The following DPYSL2 variants were observed in gnomAD, a reference collection of about 807,000 sequenced individuals.
DPYSL2 encodes dihydropyrimidinase like 2, also known as dihydropyrimidinase-related protein 2.
Under a neutral mutation model 69.9 loss-of-function variants are expected in DPYSL2, and 13 were observed. The observed-to-expected ratio is 0.19, with a 90% CI of 0.12 to 0.30. DPYSL2 has a LOEUF of 0.30. Ranked by LOEUF, DPYSL2 falls within the 10% of genes least tolerant of loss-of-function variation. DPYSL2 has a pLI of 1.00. For missense variants in DPYSL2, 587 were observed against 918.9 expected (o/e 0.64, Z 4.67); for synonymous variants, 326 against 359.1 (o/e 0.91, Z 1.04).
Position 26,582,616 on chromosome 8 carries a change from T to C in DPYSL2, c.443+559T>C, listed in dbSNP as rs184209254. 1.6e-4 allele frequency among the ~76,000 whole-genome samples: 24 copies of C among 152,358 alleles called. No homozygotes were observed. Among genetic ancestry groups the C allele is most frequent in the Middle Eastern group, 3.4e-3 (1 of 294 alleles). On this transcript the variant is annotated intron_variant, in intron 2 of 13. Coordinates refer to ENST00000521913, the MANE Select transcript of DPYSL2 (RefSeq NM_001197293.3). The surrounding 1 kb of genome is among the most constrained non-coding windows in gnomAD (Gnocchi z 4.1). ...AAGACTGCCCTTGTGTTTATTGTGT[T>C]AATGTTACAAAGGAGAAGCAACAGG...
chr8:26,616,792 A>AGGGCTCCCCAT lies in DPYSL2; in HGVS notation c.629-7351_629-7350insGGGCTCCCCAT, dbSNP rs371510519. On this transcript the variant is annotated intron_variant, in intron 3 of 13. Coordinates refer to ENST00000521913, the MANE Select transcript of DPYSL2 (RefSeq NM_001197293.3). ...TGAGGTGGGATTGGAGGGCTTGGTG[A>AGGGCTCCCCAT]CCTCTCTCCTCCCTCATGCTCCATG... Among the ~76,000 whole-genome samples the AGGGCTCCCCAT allele has an allele frequency of 1.4e-3, 207 of 150,222 alleles. 1 individual carries two copies. Among genetic ancestry groups the AGGGCTCCCCAT allele is most frequent in the African/African-American group, 4.9e-3 (200 of 40,732 alleles).
At chr8:26,568,862 G>A (rs73678812) in intron 1 of DPYSL2, among the ~76,000 whole-genome samples, 4,303 of 152,210 alleles carry the variant, frequency 0.028, 209 homozygotes, top group African/African-American at 0.097. Flanking sequence ...CCTGAAGTGC[G>A]GGATTGAAAA....
chr8:26,544,918 C>T (rs1192442190), intron 1 of DPYSL2, among the ~76,000 whole-genome samples: 1 of 152,144 alleles, frequency 6.6e-6, no homozygotes, highest in Non-Finnish European at 1.5e-5. Context: ...CAAGGAAGAT[C>T]ATTTTATAGT....
chr8:26,586,244 T>C lies in DPYSL2; in HGVS notation c.628+2261T>C, dbSNP rs1367231987. Among the ~76,000 whole-genome samples, 1 of 152,230 alleles carries C rather than the reference T, an allele frequency of 6.6e-6. No homozygotes were observed. Among genetic ancestry groups the C allele is most frequent in the Admixed American group, 6.5e-5 (1 of 15,288 alleles). On this transcript the variant is annotated intron_variant, in intron 3 of 13. Transcript: ENST00000521913. This position sits in a 1 kb window ranked among gnomAD's most constrained non-coding sequence, Gnocchi z 4.7. ...GACTTGCCGTGTGACCTTGAGTCACTACCCTACTCTGTGTTCTAGCTGTGT... is the reference window on the plus strand; with the variant it reads ...GACTTGCCGTGTGACCTTGAGTCACCACCCTACTCTGTGTTCTAGCTGTGT...
Position 26,514,814 on chromosome 8 carries a change from C to T in DPYSL2, c.354+135C>T, listed in dbSNP as rs373247078. On this transcript the variant is annotated intron_variant, in intron 1 of 13. Transcript: ENST00000521913. The surrounding 1 kb of genome is among the most constrained non-coding windows in gnomAD (Gnocchi z 8.4). ...CCCGCATCTGCACGCGCACCCCGCC[C>T]TACCCGCCCCTTCTCCGCGCAGGGT... The T allele has an allele frequency of 9.9e-6, 8 of 804,204 alleles. No homozygotes were observed. The highest frequency in any genetic ancestry group is 1.4e-5 in the Non-Finnish European group (8 of 563,038). The allele number at this position is 804,204 out of a possible 1,614,324, so 49.8% of individuals were successfully genotyped here. A position where few individuals can be genotyped will look rare whatever the true frequency, so the allele number is the denominator to read the frequency against.
intron 3 of DPYSL2, among the ~76,000 whole-genome samples, chr8:26,596,526 G>A (rs1801865078): frequency 6.6e-6 from 1 of 152,212 alleles, no homozygotes; most frequent in Non-Finnish European, 1.5e-5. Context: ...TAGGAGTTGT[G>A]TGATTCTGTC....
intron 1 of DPYSL2, among the ~76,000 whole-genome samples, chr8:26,547,129 G>A (rs1305483807): frequency 6.6e-6 from 1 of 151,884 alleles, no homozygotes; most frequent in East Asian, 1.9e-4. Context: ...TTGGGAGGTC[G>A]AAGTGGGTGG....
chr8:26,633,126 A>G (rs1449374839), intron 7 of DPYSL2, among the ~76,000 whole-genome samples: 1 of 152,264 alleles, frequency 6.6e-6, no homozygotes, highest in Non-Finnish European at 1.5e-5. Flanking sequence ...CTGAAATACC[A>G]TGAACATAAA....
At chr8:26,579,788 G>T (rs1170676222) in intron 1 of DPYSL2, among the ~76,000 whole-genome samples, 1 of 152,152 alleles carries the variant, frequency 6.6e-6, no homozygotes, top group Non-Finnish European at 1.5e-5. Flanking sequence ...GGAAGGAGTG[G>T]TGACTCTGGG....
Position 26,648,619 on chromosome 8 carries a change from T to A in DPYSL2, c.1596+819T>A, listed in dbSNP as rs1255001434. Among the ~76,000 whole-genome samples the A allele has an allele frequency of 2.0e-5, 3 of 152,164 alleles. No homozygotes were observed. The highest frequency in any genetic ancestry group is 6.5e-5 in the Admixed American group (1 of 15,282). The stretch of plus-strand genomic sequence containing the variant: ...CAGAGGGAGAGCTTTGGAAAAGAAA[T>A]GGGCCTCGGGCAGAAGAGTTTCGTG... On this transcript the variant is annotated intron_variant, in intron 11 of 13. Transcript: ENST00000521913. The surrounding 1 kb of genome is among the most constrained non-coding windows in gnomAD (Gnocchi z 4.3).
chr8:26,528,306 C>T (rs1255285178), intron 1 of DPYSL2, among the ~76,000 whole-genome samples: 4 of 152,112 alleles, frequency 2.6e-5, no homozygotes, highest in Non-Finnish European at 5.9e-5. Context: ...TCAAAATGCA[C>T]CTGGGATCAG....
chr8:26,615,210 C>A (rs191119152), intron 3 of DPYSL2, among the ~76,000 whole-genome samples: 1 of 152,124 alleles, frequency 6.6e-6, no homozygotes, highest in Non-Finnish European at 1.5e-5. Context: ...GGGGCCGTTG[C>A]GAGGATTAAA....
chr8:26,587,038 C>T lies in DPYSL2; in HGVS notation c.628+3055C>T, dbSNP rs327235. Among the ~76,000 whole-genome samples, 39,649 of 152,044 alleles carry T rather than the reference C, an allele frequency of 0.26. 5,268 individuals are homozygous for T. The highest frequency in any genetic ancestry group is 0.38 in the South Asian group (1,845 of 4,816). The stretch of plus-strand genomic sequence containing the variant: ...GAATTTCTACTAGCCTGCCTTTCCC[C>T]GGGGGAGGGAATGGTAATAATACAG... On this transcript the variant is annotated intron_variant, in intron 3 of 13. Transcript: ENST00000521913. This position sits in a 1 kb window ranked among gnomAD's most constrained non-coding sequence, Gnocchi z 4.2.
intron 8 of DPYSL2, among the ~76,000 whole-genome samples, chr8:26,635,915 C>A (rs1160750768): frequency 6.6e-6 from 1 of 152,186 alleles, no homozygotes; most frequent in Admixed American, 6.5e-5. Flanking sequence ...CTGCATCATG[C>A]AATCCACATG....
chr8:26,617,760 A>T lies in DPYSL2; in HGVS notation c.629-6383A>T, dbSNP rs971125099. On this transcript the variant is annotated intron_variant, in intron 3 of 13. Coordinates refer to ENST00000521913, the MANE Select transcript of DPYSL2 (RefSeq NM_001197293.3). The surrounding 1 kb of genome is among the most constrained non-coding windows in gnomAD (Gnocchi z 4.7). ...ACAGACGCACAAGACTACATCTTTT[A>T]TGATTCCATTGATAGGAAATGTCCT... Among the ~76,000 whole-genome samples the T allele has an allele frequency of 2.0e-5, 3 of 152,216 alleles. No individual in the cohort carries two copies. Among genetic ancestry groups the T allele is most frequent in the African/African-American group, 7.2e-5 (3 of 41,450 alleles).
chr8:26,601,269 C>T (rs1801984185), intron 3 of DPYSL2, among the ~76,000 whole-genome samples: 1 of 152,168 alleles, frequency 6.6e-6, no homozygotes, highest in Non-Finnish European at 1.5e-5. Flanking sequence ...GGGACTTACC[C>T]AACTAGTATG....
intron 1 of DPYSL2, chr8:26,577,066 A>G: frequency 2.3e-6 from 1 of 425,824 alleles, no homozygotes; most frequent in Non-Finnish European, 4.7e-6. Flanking sequence ...GAAGGCACAA[A>G]AGGATGTTTC....
chr8:26,521,896 G>T (rs898221217), intron 1 of DPYSL2, among the ~76,000 whole-genome samples: 1 of 152,158 alleles, frequency 6.6e-6, no homozygotes, highest in African/African-American at 2.4e-5. Context: ...CCATTGTTTT[G>T]TATGTATCCT....
chr8:26,524,135 A>G (rs577735115), intron 1 of DPYSL2, among the ~76,000 whole-genome samples: 20 of 152,348 alleles, frequency 1.3e-4, no homozygotes, highest in Admixed American at 1.0e-3. Flanking sequence ...CATTCCCAAC[A>G]ACAGTTCCCA....
Sources: allele counts gnomAD v4.1 joint callset (sites outside exome capture counted in the v4.1 genomes callset), GRCh38; gene constraint gnomAD v4.1.1; non-coding constraint Gnocchi (gnomAD v3.1); transcripts MANE v1.5; gene names NCBI Gene and HGNC (gene_info 2026-07-23, HGNC 2026-07-21).